MCC: variants seen among roughly 807,000 people sequenced by gnomAD.
MCC encodes MCC regulator of Wnt signaling pathway.
In MCC, 90 loss-of-function variants were observed where a neutral mutation model predicts 116.2. That is an observed-to-expected ratio of 0.77 (90% CI 0.65 to 0.92). The LOEUF (loss-of-function observed/expected upper bound fraction) is 0.92. Ranked by LOEUF, MCC falls within the 40% of genes least tolerant of loss-of-function variation. MCC has a pLI of 0.00. For missense variants in MCC, 1,516 were observed against 1,312.2 expected (o/e 1.16, Z -2.40); for synonymous variants, 578 against 510.5 (o/e 1.13, Z -1.78).
chr5:113,206,459 A>G (rs1762913730), intron 3 of MCC, among the ~76,000 whole-genome samples: 1 of 152,248 alleles, frequency 6.6e-6, no homozygotes, highest in Non-Finnish European at 1.5e-5. Context: ...TCACGCCTAT[A>G]ATCCCAGCAC....
chr5:113,064,149 T>TCC lies in MCC; in HGVS notation c.2047_2048insGG (p.Glu683GlyfsTer27). 6.2e-7 allele frequency: 1 copy of TCC among 1,612,648 alleles called. No individual in the cohort carries two copies. Among genetic ancestry groups the TCC allele is most frequent in the Non-Finnish European group, 8.5e-7 (1 of 1,179,160 alleles). ...TCGCTTGAGCATCTGAGTGATGTTT[T>TCC]CATCCCCCGACTGGTCTCCTATGTG... On this transcript the variant is annotated frameshift_variant, in exon 14 of 19. Coordinates refer to ENST00000408903, the MANE Select transcript of MCC (RefSeq NM_001085377.2). LOFTEE classifies it high-confidence loss of function.
chr5:113,081,140 T>C (rs1581013133), intron 11 of MCC, among the ~76,000 whole-genome samples: 1 of 152,172 alleles, frequency 6.6e-6, no homozygotes, highest in South Asian at 2.1e-4. Flanking sequence ...GCCTCCAACT[T>C]TGAGGTAGTT....
chr5:113,023,850 G>T lies in MCC; in HGVS notation c.*3452C>A, dbSNP rs189837364. ...AAAAAGTGATTGCTTTATAATTCTC[G>T]TGGGCCATAGGAAACACCTTCAGAA... is the stretch of plus-strand genomic sequence containing the variant. On this transcript the variant is annotated 3_prime_UTR_variant, in exon 19 of 19. Transcript: ENST00000408903. 6 of 152,172 alleles carry T rather than the reference G, an allele frequency of 3.9e-5. No individual in the cohort carries two copies. The highest frequency in any genetic ancestry group is 1.4e-4 in the African/African-American group (6 of 41,428). 9.4% of individuals were successfully genotyped at this position (152,172 alleles called of 1,614,324 possible).
chr5:113,242,702 C>A (rs375258964), intron 3 of MCC, among the ~76,000 whole-genome samples: 3 of 151,988 alleles, frequency 2.0e-5, no homozygotes, highest in Admixed American at 1.3e-4. Flanking sequence ...CATGACCACA[C>A]GGGGGTAACC....
intron 1 of MCC, among the ~76,000 whole-genome samples, chr5:113,385,509 TAA>T (rs1769233837): frequency 6.6e-6 from 1 of 152,220 alleles, no homozygotes; most frequent in African/African-American, 2.4e-5. Context: ...TTGAGGATTA[TAA>T]AGTTCTTTCT....
rs199561450 is a variant in MCC at position 113,242,559 on chromosome 5, GA to G, written c.628-91138del. On this transcript the variant is annotated intron_variant, in intron 3 of 18. Transcript: ENST00000408903. ...ATTAGTTTTTTTTTTAATCCCTCAAGAATCTGGGTTTCCTATACATTCAGTG... is the reference window on the plus strand; with the variant it reads ...ATTAGTTTTTTTTTTAATCCCTCAAGATCTGGGTTTCCTATACATTCAGTG... 4.8e-4 allele frequency among the ~76,000 whole-genome samples: 73 copies of G among 151,912 alleles called. 2 individuals are homozygous for G. In the East Asian group the frequency reaches 0.014, roughly 28 times the overall value.
chr5:113,185,866 T>C (rs1364626297), intron 3 of MCC, among the ~76,000 whole-genome samples: 1 of 152,140 alleles, frequency 6.6e-6, no homozygotes, highest in Non-Finnish European at 1.5e-5. Context: ...ACAGAGGCCA[T>C]ATAAGGAAAT....
chr5:113,167,787 T>A (rs899813127), intron 3 of MCC, among the ~76,000 whole-genome samples: 1 of 152,076 alleles, frequency 6.6e-6, no homozygotes, highest in African/African-American at 2.4e-5. Context: ...TGTGCCACCA[T>A]GCCCGACTAA....
chr5:113,054,486 T>C (rs1322173540), intron 14 of MCC, among the ~76,000 whole-genome samples: 1 of 152,254 alleles, frequency 6.6e-6, no homozygotes, highest in African/African-American at 2.4e-5. Flanking sequence ...TCCTATGGCA[T>C]GATCCACAGA....
At chr5:113,121,430 T>A (rs186910458) in intron 6 of MCC, among the ~76,000 whole-genome samples, 68 of 152,304 alleles carry the variant, frequency 4.5e-4, no homozygotes, top group Non-Finnish European at 7.8e-4. Flanking sequence ...CACACCTCTG[T>A]GTCCTCCATC....
intron 3 of MCC, among the ~76,000 whole-genome samples, chr5:113,229,042 G>A (rs962328975): frequency 2.6e-5 from 4 of 152,200 alleles, no homozygotes; most frequent in African/African-American, 9.6e-5. Flanking sequence ...AGCTGAATAT[G>A]AGTCTGGAAT....
chr5:113,352,995 C>A (rs1440141114), intron 2 of MCC, among the ~76,000 whole-genome samples: 2 of 152,108 alleles, frequency 1.3e-5, no homozygotes, highest in African/African-American at 2.4e-5. Flanking sequence ...TGTAACATGG[C>A]TTTTCATATG....
chr5:113,278,453 G>A (rs548482375), intron 3 of MCC, among the ~76,000 whole-genome samples: 3 of 152,172 alleles, frequency 2.0e-5, no homozygotes, highest in African/African-American at 7.2e-5. Context: ...GCTACAATGC[G>A]AACTACCCAA....
At chr5:113,249,007 C>A (rs182877191) in intron 3 of MCC, among the ~76,000 whole-genome samples, 210 of 152,160 alleles carry the variant, frequency 1.4e-3, no homozygotes, top group South Asian at 0.01. Flanking sequence ...CCATGCCTGG[C>A]TAATTTTTGT....
chr5:113,051,259 C>T (rs1752470598), intron 15 of MCC, among the ~76,000 whole-genome samples: 2 of 152,140 alleles, frequency 1.3e-5, no homozygotes, highest in South Asian at 4.1e-4. Flanking sequence ...CCCCCTACCC[C>T]CACCACCGAG....
chr5:113,171,925 T>C (rs1561425228), intron 3 of MCC, among the ~76,000 whole-genome samples: 1 of 152,164 alleles, frequency 6.6e-6, no homozygotes, highest in South Asian at 2.1e-4. Flanking sequence ...CCATCTCCCA[T>C]GGTTCTTAGC....
Position 113,434,381 on chromosome 5 carries a change from G to C in MCC, c.171-49169C>G. ...GGCAGCGCTTGGAGAAGCTGAAGTCGGACAGCTTGATGTTGAAGTCCTTGT... is the reference window on the plus strand; with the variant it reads ...GGCAGCGCTTGGAGAAGCTGAAGTCCGACAGCTTGATGTTGAAGTCCTTGT... On this transcript the variant is annotated intron_variant, in intron 1 of 18. Transcript: ENST00000408903. The surrounding 1 kb of genome is among the most constrained non-coding windows in gnomAD (Gnocchi z 4.2). 6.2e-7 allele frequency: 1 copy of C among 1,613,846 alleles called. No homozygotes were observed. Among genetic ancestry groups the C allele is most frequent in the East Asian group, 2.2e-5 (1 of 44,840 alleles).
intron 3 of MCC, among the ~76,000 whole-genome samples, chr5:113,197,182 C>T (rs75787698): frequency 6.6e-6 from 1 of 151,864 alleles, no homozygotes; most frequent in African/African-American, 2.4e-5. Flanking sequence ...CGTTCTGGGT[C>T]GATGGGGAGA....
At chr5:113,268,130 C>T (rs1388928316) in intron 3 of MCC, among the ~76,000 whole-genome samples, 2 of 152,188 alleles carry the variant, frequency 1.3e-5, no homozygotes, top group African/African-American at 4.8e-5. Flanking sequence ...GAAACAACTC[C>T]TCCCTGATTA....
Sources: gnomAD v4.1 joint callset for allele counts (sites outside exome capture counted in the v4.1 genomes callset) on GRCh38, gnomAD v4.1.1 for gene constraint, Gnocchi (gnomAD v3.1) non-coding constraint, MANE v1.5 for transcripts, NCBI Gene and HGNC (gene_info 2026-07-23, HGNC 2026-07-21) for gene names.